The following ATXN1 variants were observed in gnomAD, a reference collection of about 807,000 sequenced individuals.
The protein encoded by ATXN1 is ataxin 1.
Under a neutral mutation model 56.4 loss-of-function variants are expected in ATXN1, and 8 were observed. The ratio of observed to expected loss-of-function variants is 0.14; its 90% CI spans 0.08 to 0.26. ATXN1 has a LOEUF of 0.26. Ranked by LOEUF, ATXN1 falls within the 10% of genes least tolerant of loss-of-function variation. ATXN1 has a pLI of 1.00. For missense variants in ATXN1, 987 were observed against 1,106.5 expected (o/e 0.89, Z 1.53); for synonymous variants, 514 against 494.6 (o/e 1.04, Z -0.52).
At chr6:16,642,855 T>C (rs1763729796) in intron 3 of ATXN1, among the ~76,000 whole-genome samples, 1 of 152,254 alleles carries the variant, frequency 6.6e-6, no homozygotes, top group African/African-American at 2.4e-5. Context: ...TGTTATTGGA[T>C]AATTAATAGA....
chr6:16,562,006 A>C (rs1417570003), intron 4 of ATXN1, among the ~76,000 whole-genome samples: 1 of 152,230 alleles, frequency 6.6e-6, no homozygotes, highest in Non-Finnish European at 1.5e-5. Context: ...AAGGGACAAA[A>C]GAAGGAAGAC....
chr6:16,687,584 C>T (rs1200517364), intron 2 of ATXN1, among the ~76,000 whole-genome samples: 3 of 150,000 alleles, frequency 2.0e-5, no homozygotes, highest in African/African-American at 7.4e-5. Flanking sequence ...TTTAGAATTT[C>T]GCAGGAAAAA....
chr6:16,482,362 G>C (rs1416868462), intron 6 of ATXN1, among the ~76,000 whole-genome samples: 1 of 152,228 alleles, frequency 6.6e-6, no homozygotes, highest in Non-Finnish European at 1.5e-5. Flanking sequence ...AGAGCTTGCA[G>C]ACTAGTTGAG....
At chr6:16,536,105 T>G (rs997998743) in intron 4 of ATXN1, among the ~76,000 whole-genome samples, 2 of 152,008 alleles carry the variant, frequency 1.3e-5, no homozygotes, top group African/African-American at 4.8e-5. Context: ...TAGTCCCAGC[T>G]ACTCAGGGGG....
intron 4 of ATXN1, among the ~76,000 whole-genome samples, chr6:16,551,561 G>A (rs901235432): frequency 6.6e-6 from 1 of 152,204 alleles, no homozygotes; most frequent in Admixed American, 6.5e-5. Flanking sequence ...GGGTGTCAAA[G>A]GTCTTGCTGA....
At chr6:16,404,720 A>C (rs536317313) in intron 6 of ATXN1, among the ~76,000 whole-genome samples, 1 of 150,176 alleles carries the variant, frequency 6.7e-6, no homozygotes, top group African/African-American at 2.5e-5. Flanking sequence ...ACGCACACAC[A>C]CTCCACGTTG....
chr6:16,337,574 T>G (rs1226407050), intron 6 of ATXN1, among the ~76,000 whole-genome samples: 1 of 152,222 alleles, frequency 6.6e-6, no homozygotes, highest in African/African-American at 2.4e-5. Flanking sequence ...TGACAGAGGT[T>G]GAGTTGGAGT....
At chr6:16,546,462 C>G (rs1214463849) in intron 4 of ATXN1, among the ~76,000 whole-genome samples, 1 of 152,182 alleles carries the variant, frequency 6.6e-6, no homozygotes, top group Non-Finnish European at 1.5e-5. Flanking sequence ...ACTCCCATCT[C>G]TCTTGTACTT....
chr6:16,533,084 T>C (rs911740438), intron 4 of ATXN1, among the ~76,000 whole-genome samples: 8 of 152,238 alleles, frequency 5.3e-5, no homozygotes, highest in African/African-American at 1.9e-4. Flanking sequence ...ACAACATGGA[T>C]ATGCAGTTTT....
At chr6:16,707,177 T>G (rs1358952211) in intron 2 of ATXN1, among the ~76,000 whole-genome samples, 2 of 152,198 alleles carry the variant, frequency 1.3e-5, no homozygotes, top group Non-Finnish European at 2.9e-5. Flanking sequence ...TCTATTTTTT[T>G]TAATTACTAT....
At chr6:16,409,308 C>A (rs910053499) in intron 6 of ATXN1, among the ~76,000 whole-genome samples, 6 of 145,508 alleles carry the variant, frequency 4.1e-5, no homozygotes, top group African/African-American at 7.6e-5. Context: ...AAAAAAAAAA[C>A]CACAGTAACT....
At chr6:16,471,889 G>A (rs2113639917) in intron 6 of ATXN1, among the ~76,000 whole-genome samples, 1 of 152,282 alleles carries the variant, frequency 6.6e-6, no homozygotes, top group East Asian at 1.9e-4. Context: ...TTAGGTTACA[G>A]TGACCACCCC....
chr6:16,369,070 C>T (rs888955181), intron 6 of ATXN1, among the ~76,000 whole-genome samples: 2 of 152,114 alleles, frequency 1.3e-5, no homozygotes, highest in African/African-American at 2.4e-5. Context: ...ATAAATTAAC[C>T]GCCTCTTCCT....
chr6:16,515,427 C>G (rs922362375), intron 5 of ATXN1, among the ~76,000 whole-genome samples: 1 of 152,176 alleles, frequency 6.6e-6, no homozygotes, highest in African/African-American at 2.4e-5. Flanking sequence ...CCACTACCAC[C>G]CCCAAACCAC....
At chr6:16,484,895 A>G (rs114655470) in intron 6 of ATXN1, among the ~76,000 whole-genome samples, 1,734 of 151,828 alleles carry the variant, frequency 0.011, 7 homozygotes, top group African/African-American at 0.019. Context: ...TAGGTAATAC[A>G]TGTTCAAAAA....
intron 6 of ATXN1, among the ~76,000 whole-genome samples, chr6:16,483,476 G>GC (rs1195877273): frequency 6.6e-6 from 1 of 152,208 alleles, no homozygotes; most frequent in African/African-American, 2.4e-5. Flanking sequence ...GTAAACATGT[G>GC]CCCAGATAAT....
intron 3 of ATXN1, among the ~76,000 whole-genome samples, chr6:16,630,088 T>C (rs891703589): frequency 1.3e-5 from 2 of 152,178 alleles, no homozygotes; most frequent in Non-Finnish European, 2.9e-5. Context: ...ATATAAATCA[T>C]GTCTGTACGG....
intron 3 of ATXN1, among the ~76,000 whole-genome samples, chr6:16,620,802 C>T (rs1231148845): frequency 6.6e-6 from 1 of 152,190 alleles, no homozygotes; most frequent in Non-Finnish European, 1.5e-5. Context: ...AGTCAGGCTG[C>T]ATAAGTTCTA....
intron 6 of ATXN1, among the ~76,000 whole-genome samples, chr6:16,411,073 TG>T: frequency 7.3e-6 from 1 of 136,594 alleles, no homozygotes; most frequent in South Asian, 2.2e-4. Context: ...TGCAGTGAGC[TG>T]AGATCACACC....
Sources: allele counts gnomAD v4.1 joint callset (sites outside exome capture counted in the v4.1 genomes callset), GRCh38; gene constraint gnomAD v4.1.1; transcripts MANE v1.5; gene names NCBI Gene and HGNC (gene_info 2026-07-23, HGNC 2026-07-21).